RHPN2: variants seen among roughly 807,000 people sequenced by gnomAD.
RHPN2 encodes rhophilin Rho GTPase binding protein 2.
Under a neutral mutation model 79.0 loss-of-function variants are expected in RHPN2, and 40 were observed. That is an observed-to-expected ratio of 0.51 (90% CI 0.39 to 0.66). The LOEUF (loss-of-function observed/expected upper bound fraction) is 0.66. Ranked by LOEUF, RHPN2 falls within the 30% of genes least tolerant of loss-of-function variation. RHPN2 has a pLI of 0.00. For synonymous variants in RHPN2, 285 were observed against 363.5 expected (o/e 0.78, Z 2.46); for missense variants, 686 against 883.5 (o/e 0.78, Z 2.83).
At chr19:33,061,275 C>T (rs1415179389) in intron 1 of RHPN2, among the ~76,000 whole-genome samples, 1 of 146,114 alleles carries the variant, frequency 6.8e-6, no homozygotes, top group African/African-American at 2.6e-5. Context: ...GTCACCCAGG[C>T]AGTGGCGCAA....
At chr19:33,031,100 T>C (rs1352545198) in intron 2 of RHPN2, among the ~76,000 whole-genome samples, 1 of 152,138 alleles carries the variant, frequency 6.6e-6, no homozygotes, top group African/African-American at 2.4e-5. Context: ...CACGGCAAGT[T>C]ATGGTGGGAG....
chr19:32,988,571 A>T (rs1971629510), intron 14 of RHPN2, among the ~76,000 whole-genome samples: 1 of 146,106 alleles, frequency 6.8e-6, no homozygotes, highest in African/African-American at 2.6e-5. Context: ...AGCTCCCACC[A>T]TTGCCGCCAA....
chr19:33,019,106 A>G (rs1451334480), intron 4 of RHPN2, among the ~76,000 whole-genome samples: 1 of 152,032 alleles, frequency 6.6e-6, no homozygotes, highest in Non-Finnish European at 1.5e-5. Context: ...TTTCTTTTCT[A>G]AACTAAAAGT....
At position 33,002,830 on chromosome 19, in the gene RHPN2, C is replaced by T; in HGVS notation, c.931G>A (p.Ala311Thr). The change falls in exon 8 of 15, where the codon GCT (alanine) becomes ACT (threonine). Residue 311 changes from alanine (A) to threonine (T), a missense_variant. Physicochemically the swap from Ala to Thr is moderately conservative, Grantham distance 58. Transcript: ENST00000254260. ...RNEFFMLVKV[A>T]QEAAKVGEVY... ...AGTCCTACCTTAGCAGCCTCCTGAG[C>T]CACCTTCACCAGCATGAAGAATTCA... is the stretch of plus-strand genomic sequence containing the variant. 6.2e-7 allele frequency: 1 copy of T among 1,613,856 alleles called. No individual in the cohort carries two copies.
rs192579176 is a variant in RHPN2, at chr19:33,039,474, C to T, written c.185+4775G>A. Among the ~76,000 whole-genome samples the T allele has an allele frequency of 2.6e-5, 4 of 152,212 alleles. No homozygotes were observed. The East Asian group carries it at 5.8e-4, about 22-fold the overall frequency. The stretch of plus-strand genomic sequence containing the variant: ...GAGGTCACAAACTAAACTGAAGGCC[C>T]GAGGGACTTGTTCACCTGGCTCTCA... On this transcript the variant is annotated intron_variant, in intron 2 of 14. Transcript: ENST00000254260.
At chr19:33,020,563 G>A (rs1014504647) in intron 4 of RHPN2, among the ~76,000 whole-genome samples, 24 of 150,420 alleles carry the variant, frequency 1.6e-4, no homozygotes, top group South Asian at 6.3e-4. Context: ...GCGTGATCTC[G>A]GCTCCCTGCA....
At chr19:32,981,434 A>G (rs866345725) in intron 14 of RHPN2, among the ~76,000 whole-genome samples, 240 of 48,548 alleles carry the variant, frequency 4.9e-3, no homozygotes, top group African/African-American at 6.7e-3. Context: ...GGGCGGGGGG[A>G]AGGGAAGAGG....
chr19:33,064,755 T>TGGGGGGCCC, intron 1 of RHPN2, 29 bp downstream of exon 1: 3 of 1,427,944 alleles, frequency 2.1e-6, no homozygotes, highest in Non-Finnish European at 2.8e-6. Context: ...AGCCCGCAGG[T>TGGGGGGCCC]CCCCGCCCGC....
chr19:32,990,714 A>G, intron 13 of RHPN2, 45 bp from the exon 14 acceptor site: 1 of 1,610,772 alleles, frequency 6.2e-7, no homozygotes, highest in Non-Finnish European at 8.5e-7. Flanking sequence ...TGTTCACTCA[A>G]ATCCTTGAAT....
chr19:32,999,577 G>T lies in RHPN2; in HGVS notation c.1225+9C>A, dbSNP rs776196651. 25 of 1,609,558 alleles carry T rather than the reference G, an allele frequency of 1.6e-5. No homozygotes were observed. Among genetic ancestry groups the T allele is most frequent in the Non-Finnish European group, 2.0e-5 (24 of 1,177,340 alleles). ...TGGGGCCCACATCTGGGTGCAGGGGGACACGCACCCAGCTGTCGGCGCTGC... is the reference window on the plus strand; with the variant it reads ...TGGGGCCCACATCTGGGTGCAGGGGTACACGCACCCAGCTGTCGGCGCTGC... On this transcript the variant is annotated intron_variant, in intron 10 of 14. Transcript: ENST00000254260.
At chr19:33,009,306 A>AG (rs59121402) in intron 6 of RHPN2, among the ~76,000 whole-genome samples, 9 of 151,738 alleles carry the variant, frequency 5.9e-5, no homozygotes, top group African/African-American at 1.9e-4. Flanking sequence ...AAAAAAAAAA[A>AG]TGGGCTGGGA....
chr19:33,008,220 G>A, intron 6 of RHPN2, 40 bp from the exon 7 acceptor site: 1 of 1,599,642 alleles, frequency 6.3e-7, no homozygotes, highest in South Asian at 1.1e-5. Context: ...CAGATTACTT[G>A]GCTAGTTAAT....
intron 14 of RHPN2, among the ~76,000 whole-genome samples, chr19:32,981,213 T>A (rs188682596): frequency 1.5e-3 from 224 of 152,010 alleles, no homozygotes; most frequent in African/African-American, 5.1e-3. Flanking sequence ...TTCTTCTATT[T>A]GAGAAAGTAA....
intron 12 of RHPN2, among the ~76,000 whole-genome samples, chr19:32,993,040 C>T (rs1395093226): frequency 6.6e-6 from 1 of 151,978 alleles, no homozygotes; most frequent in East Asian, 1.9e-4. Flanking sequence ...ATCGCTTGAG[C>T]CCAGAAGGTT....
intron 2 of RHPN2, among the ~76,000 whole-genome samples, chr19:33,040,128 G>A (rs1406336695): frequency 6.6e-6 from 1 of 151,350 alleles, no homozygotes; most frequent in African/African-American, 2.4e-5. Context: ...ACAACTCTCA[G>A]CACAACAGGG....
intron 6 of RHPN2, among the ~76,000 whole-genome samples, chr19:33,010,970 A>G (rs1232071364): frequency 6.6e-6 from 1 of 152,198 alleles, no homozygotes; most frequent in Non-Finnish European, 1.5e-5. Flanking sequence ...GGTGTGAGCC[A>G]CTGTACCCGG....
intron 1 of RHPN2, among the ~76,000 whole-genome samples, 173 bp downstream of exon 1, chr19:33,064,611 G>A (rs1260417981): frequency 6.6e-6 from 1 of 151,760 alleles, no homozygotes; most frequent in Non-Finnish European, 1.5e-5. Context: ...CGGGGACATC[G>A]CCGCCCCCAC....
intron 14 of RHPN2, among the ~76,000 whole-genome samples, chr19:32,983,162 A>AACAC (rs56696945): frequency 0.034 from 4,471 of 130,688 alleles, 104 homozygotes; most frequent in South Asian, 0.07. Flanking sequence ...CACACACACA[A>AACAC]ACACACACAC....
chr19:33,037,827 T>C (rs1483959049), intron 2 of RHPN2, among the ~76,000 whole-genome samples: 1 of 152,144 alleles, frequency 6.6e-6, no homozygotes, highest in East Asian at 1.9e-4. Flanking sequence ...TTGAAGTCAG[T>C]GAGACCAAGA....
Sources: allele counts gnomAD v4.1 joint callset (sites outside exome capture counted in the v4.1 genomes callset), GRCh38; gene constraint gnomAD v4.1.1; transcripts MANE v1.5; gene names NCBI Gene and HGNC (gene_info 2026-07-23, HGNC 2026-07-21).